RPE65: variants seen among roughly 807,000 people sequenced by gnomAD.
RPE65 encodes the protein retinoid isomerohydrolase.
Under a neutral mutation model 68.5 loss-of-function variants are expected in RPE65, and 58 were observed. That is an observed-to-expected ratio of 0.85 (90% CI 0.69 to 1.05). The LOEUF is 1.05. RPE65 is among the 50% of genes least tolerant of loss of function. The pLI is 0.00. For missense variants in RPE65, 643 were observed against 629.9 expected, an observed-to-expected ratio of 1.02 and a Z score of -0.22; for synonymous variants, 220 against 222.2, an observed-to-expected ratio of 0.99 and a Z score of 0.09.
chr1:68,439,702 A>AG, intron 6 of RPE65, 60 bp from the exon 7 acceptor site: 1 of 1,339,604 alleles, frequency 7.5e-7, no homozygotes, highest in Non-Finnish European at 1.1e-6. Context: ...TTTAATACAA[A>AG]GCATTTAGAA....
At chr1:68,439,864 A>T (rs1488170998) in intron 6 of RPE65, among the ~76,000 whole-genome samples, 1 of 152,162 alleles carries the variant, frequency 6.6e-6, no homozygotes, top group Admixed American at 6.5e-5. Context: ...ACGTGCACTC[A>T]AATAGGGTTG....
chr1:68,434,091 G>GATATATATATATATAT (rs56401732), intron 10 of RPE65, among the ~76,000 whole-genome samples: 2 of 138,558 alleles, frequency 1.4e-5, no homozygotes, highest in African/African-American at 5.5e-5. Context: ...GGGCATGAGG[G>GATATATATATATATAT]ATATATATAT....
At chr1:68,438,874 C>T (rs1173119556) in intron 9 of RPE65, 68 bp downstream of exon 9, 1 of 1,587,512 alleles carries the variant, frequency 6.3e-7, no homozygotes, top group Admixed American at 1.7e-5. Flanking sequence ...AGTGCAGCAG[C>T]TCTGTAAAAA....
intron 10 of RPE65, among the ~76,000 whole-genome samples, chr1:68,437,386 C>T (rs1571163573): frequency 2.6e-5 from 4 of 152,284 alleles, no homozygotes; most frequent in Admixed American, 2.6e-4. Flanking sequence ...CTCCCTCTTT[C>T]TCATTCTTCA....
At chr1:68,430,787 T>G (rs1645820361) in intron 13 of RPE65, among the ~76,000 whole-genome samples, 1 of 152,156 alleles carries the variant, frequency 6.6e-6, no homozygotes, top group Admixed American at 6.5e-5. Context: ...CATGTTGCCA[T>G]TTTTTCTTCC....
chr1:68,431,662 T>C, intron 10 of RPE65, 77 bp from the exon 11 acceptor site: 1 of 1,275,726 alleles, frequency 7.8e-7, no homozygotes, highest in Middle Eastern at 1.9e-4. Context: ...TCTTAAGTCT[T>C]GGCTCCTAAG....
At chr1:68,430,984 C>T (rs941605305) in intron 13 of RPE65, 81 bp downstream of exon 13, 48 of 1,080,300 alleles carry the variant, frequency 4.4e-5, no homozygotes, top group Non-Finnish European at 6.6e-5. Context: ...ACGGAATAAT[C>T]AACCTTACTC....
Position 68,431,463 on chromosome 1 carries a change from C to G in RPE65, c.1243+8G>C, listed in dbSNP as rs748853700. The G allele has an allele frequency of 1.9e-6, 3 of 1,613,534 alleles. No homozygotes were observed. The highest frequency in any genetic ancestry group is 2.5e-6 in the Non-Finnish European group (3 of 1,179,610). ...CTCCCGTGTGAAGTTTTCTCTAGAT[C>G]ATCTCACCTTGACGAGGCCCTGAAA... On this transcript the variant is annotated splice_region_variant and intron_variant, in intron 11 of 13. Coordinates refer to ENST00000262340, the MANE Select transcript of RPE65 (RefSeq NM_000329.3).
At chr1:68,431,665 C>A (rs1016486324) in intron 10 of RPE65, 80 bp from the exon 11 acceptor site, 2 of 1,224,100 alleles carry the variant, frequency 1.6e-6, no homozygotes, top group African/African-American at 3.0e-5. Flanking sequence ...TAAGTCTTGG[C>A]TCCTAAGTTC....
At chr1:68,438,425 C>G in intron 9 of RPE65, 109 bp from the exon 10 acceptor site, 1 of 1,311,218 alleles carries the variant, frequency 7.6e-7, no homozygotes, top group Non-Finnish European at 1.1e-6. Flanking sequence ...ATTCCACAAC[C>G]CAGAAACTGC....
chr1:68,438,006 C>A (rs1253722367), intron 10 of RPE65, among the ~76,000 whole-genome samples, 181 bp downstream of exon 10: 1 of 152,168 alleles, frequency 6.6e-6, no homozygotes, highest in Non-Finnish European at 1.5e-5. Context: ...TGCTAAGTCA[C>A]AGTACTCTTC....
chr1:68,431,245 A>C, intron 12 of RPE65, 37 bp downstream of exon 12: 1 of 1,609,936 alleles, frequency 6.2e-7, no homozygotes, highest in Non-Finnish European at 8.5e-7. Context: ...CATATACTCA[A>C]AGCACTGTTC....
chr1:68,448,760 GAGAT>G, intron 1 of RPE65, 54 bp from the exon 2 acceptor site: 1 of 1,469,270 alleles, frequency 6.8e-7, no homozygotes, highest in Non-Finnish European at 9.3e-7. Context: ...AAAGTCCGCA[GAGAT>G]AGAGGCAGAG....
Position 68,429,653 on chromosome 1 carries a change from T to C in RPE65, c.*123A>G. The C allele has an allele frequency of 1.7e-6, 2 of 1,170,330 alleles. No individual in the cohort carries two copies. Among genetic ancestry groups the C allele is most frequent in the Non-Finnish European group, 2.5e-6 (2 of 805,530 alleles). The allele number at this position is 1,170,330 out of a possible 1,614,324, so 72.5% of individuals were successfully genotyped here. ...GTGCTTTCTGTAAAACATTGCAAAA[T>C]TGTGCGCATCTGCAAGTTAAAACCA... On this transcript the variant is annotated 3_prime_UTR_variant, in exon 14 of 14. Coordinates refer to ENST00000262340, the MANE Select transcript of RPE65 (RefSeq NM_000329.3).
chr1:68,442,316 G>A (rs544098383), intron 5 of RPE65, among the ~76,000 whole-genome samples: 2 of 152,312 alleles, frequency 1.3e-5, no homozygotes, highest in South Asian at 4.1e-4. Flanking sequence ...GTATTCCAGG[G>A]AGTGGGAATC....
rs1051380960 is a variant in RPE65, at chr1:68,444,786, T to C, written c.343A>G (p.Ile115Val). 15 of 1,614,048 alleles carry C rather than the reference T, an allele frequency of 9.3e-6. No individual in the cohort carries two copies. The highest frequency in any genetic ancestry group is 1.2e-5 in the Non-Finnish European group (14 of 1,180,014). Residue 115 changes from isoleucine to valine, a missense_variant, in exon 4 of 14, where the codon ATA (isoleucine) becomes GTA (valine). Physicochemically the swap from Ile to Val is conservative, Grantham distance 29. Transcript: ENST00000262340. ...TTTGGGTTCAGTAACCTGGAAAATA[T>C]ATTCTTGCAGGGATCTGGGAAAGCA... ...TCAFPDPCKNIFSRFFSYFRG... is the reference protein window; with the variant it reads ...TCAFPDPCKNVFSRFFSYFRG...
chr1:68,448,803 G>A (rs866404099), intron 1 of RPE65, 97 bp from the exon 2 acceptor site: 5 of 668,790 alleles, frequency 7.5e-6, no homozygotes, highest in Middle Eastern at 4.4e-4. Context: ...TCTAGGGCTG[G>A]CTCAAAGCCT....
chr1:68,430,018 A>C (rs1645814943), intron 13 of RPE65, 91 bp from the exon 14 acceptor site: 7 of 1,503,870 alleles, frequency 4.7e-6, no homozygotes, highest in Non-Finnish European at 6.4e-6. Flanking sequence ...GAGGTATTAC[A>C]TTGACAAATA....
intron 2 of RPE65, among the ~76,000 whole-genome samples, chr1:68,447,589 C>T (rs568680289): frequency 1.3e-5 from 2 of 152,246 alleles, no homozygotes; most frequent in South Asian, 4.1e-4. Context: ...GGGCCGGGCG[C>T]GGTGGCTCGC....
Sources: allele counts gnomAD v4.1 joint callset (sites outside exome capture counted in the v4.1 genomes callset), GRCh38; gene constraint gnomAD v4.1.1; transcripts MANE v1.5; gene names NCBI Gene and HGNC (gene_info 2026-07-23, HGNC 2026-07-21).